The following TASOR2 variants were observed in gnomAD, a reference collection of about 807,000 sequenced individuals.
TASOR2 encodes the protein transcription activation suppressor family member 2.
A neutral mutation model predicts 199.5 loss-of-function variants in TASOR2; 84 were observed. The ratio of observed to expected loss-of-function variants is 0.42; its 90% CI spans 0.35 to 0.50. The LOEUF is 0.50. Among genes scored for constraint, TASOR2 ranks in the 20% least tolerant of loss-of-function variants. The pLI, the probability that TASOR2 is intolerant of heterozygous loss-of-function variation, is 0.02. For synonymous variants in TASOR2, 1,103 were observed against 1,046.6 expected, an observed-to-expected ratio of 1.05 and a Z score of -1.04; for missense variants, 2,796 against 2,835.9, an observed-to-expected ratio of 0.99 and a Z score of 0.32.
chr10:5,721,490 AGTTT>A (rs1588716985), intron 6 of TASOR2, among the ~76,000 whole-genome samples: 1 of 152,266 alleles, frequency 6.6e-6, no homozygotes, highest in Non-Finnish European at 1.5e-5. Context: ...AAATAGTCAT[AGTTT>A]AATTGAATTA....
At chr10:5,707,654 T>TC (rs140087644) in intron 1 of TASOR2, among the ~76,000 whole-genome samples, 2 of 135,728 alleles carry the variant, frequency 1.5e-5, no homozygotes, top group East Asian at 2.2e-4. Flanking sequence ...CTCATTCTCT[T>TC]TCTCTCTCTC....
intron 10 of TASOR2, among the ~76,000 whole-genome samples, chr10:5,729,283 G>A (rs1165471897): frequency 6.6e-6 from 1 of 152,176 alleles, no homozygotes; most frequent in Admixed American, 6.5e-5. Context: ...AGGAGGCGGA[G>A]GTTGCAGTGA....
At chr10:5,729,450 C>T (rs895307344) in intron 10 of TASOR2, among the ~76,000 whole-genome samples, 4 of 152,202 alleles carry the variant, frequency 2.6e-5, no homozygotes, top group African/African-American at 9.7e-5. Flanking sequence ...CCTGTAATCC[C>T]AGCACTCCAG....
At chr10:5,757,827 T>G (rs1307615534) in intron 17 of TASOR2, among the ~76,000 whole-genome samples, 154 bp downstream of exon 18, 1 of 152,170 alleles carries the variant, frequency 6.6e-6, no homozygotes, top group Non-Finnish European at 1.5e-5. Flanking sequence ...CTGTGCTCTT[T>G]TCATACAGTG....
At position 5,741,507 on chromosome 10, in the gene TASOR2, T is replaced by C. The variant is rs949506910; in HGVS notation, c.2328-590T>C. ...CCAACTCTGCAGCCCCCCTGACTTA[T>C]GGTACTCCAGCGATCTGCCATCCTT... On this transcript the variant is annotated intron_variant, in intron 13 of 20. Transcript: ENST00000328090. Among the ~76,000 whole-genome samples the C allele has an allele frequency of 2.6e-5, 4 of 152,216 alleles. No individual in the cohort carries two copies. The South Asian group carries it at 6.2e-4, about 24-fold the overall frequency.
At chr10:5,757,386 C>T in intron 16 of TASOR2, 134 bp from the exon 18 acceptor site, 1 of 852,650 alleles carries the variant, frequency 1.2e-6, no homozygotes, top group South Asian at 1.9e-5. Flanking sequence ...GCAGAATGAC[C>T]AGTCGGTAAT....
chr10:5,736,442 C>T (rs1476360275), intron 12 of TASOR2, among the ~76,000 whole-genome samples: 4 of 150,400 alleles, frequency 2.7e-5, no homozygotes, highest in South Asian at 2.1e-4. Context: ...GAGAGAGAGA[C>T]GGGGTTTCAC....
At chr10:5,733,429 A>G (rs1835127864) in intron 11 of TASOR2, among the ~76,000 whole-genome samples, 1 of 152,100 alleles carries the variant, frequency 6.6e-6, no homozygotes. Flanking sequence ...AATCTCTTGA[A>G]CCTGGGAGGG....
chr10:5,727,027 T>C, intron 9 of TASOR2, 34 bp from the exon 11 acceptor site: 1 of 1,613,786 alleles, frequency 6.2e-7, no homozygotes, highest in Non-Finnish European at 8.5e-7. Flanking sequence ...ATCAACAACC[T>C]AACTTTTCTT....
rs1018912149 is a variant in TASOR2 at position 5,706,661 on chromosome 10, A to G, written c.-287-6162A>G. On this transcript the variant is annotated intron_variant, in intron 1 of 20. Coordinates refer to ENST00000328090, the Ensembl canonical transcript of TASOR2. This position sits in a 1 kb window ranked among gnomAD's most constrained non-coding sequence, Gnocchi z 4.8. The stretch of plus-strand genomic sequence containing the variant: ...AAGCAAAACACGGTATAAGGAAAGA[A>G]CTTGACTACACAGTATGGCTCAGCA... 6.6e-6 allele frequency among the ~76,000 whole-genome samples: 1 copy of G among 152,226 alleles called. No homozygotes were observed.
At position 5,714,233 on chromosome 10, in the gene TASOR2, T is replaced by C. The variant is rs1006462367; in HGVS notation, c.-192+1315T>C. On this transcript the variant is annotated intron_variant, in intron 2 of 20. Coordinates refer to ENST00000328090, the Ensembl canonical transcript of TASOR2. The stretch of plus-strand genomic sequence containing the variant: ...GTAAGTCCGTAAAGCAAAAAGAATC[T>C]TAAAAAAAAATCTTCTTTTACAAGA... 3.0e-4 allele frequency: 368 copies of C among 1,221,442 alleles called. 3 individuals are homozygous for C. The highest frequency in any genetic ancestry group is 8.4e-5 in the Admixed American group (2 of 23,684). The allele number at this position is 1,221,442 out of a possible 1,614,324, so 75.7% of individuals were successfully genotyped here.
chr10:5,724,186 T>TATA (rs1833733128), intron 7 of TASOR2, among the ~76,000 whole-genome samples: 1 of 40,716 alleles, frequency 2.5e-5, no homozygotes, highest in Admixed American at 2.7e-4. Context: ...TGTTTATTCA[T>TATA]GTAGTATTTG....
chr10:5,735,196 T>C (rs2131602508), intron 11 of TASOR2, 108 bp from the exon 13 acceptor site: 1 of 1,360,178 alleles, frequency 7.4e-7, no homozygotes, highest in Non-Finnish European at 1.0e-6. Flanking sequence ...TCCCCATTAC[T>C]AAAGTTACTG....
Position 5,746,870 on chromosome 10 carries a change from C to G in TASOR2, c.3449C>G (p.Ser1150Cys), listed in dbSNP as rs79826323. ...CAGAAGGAGACGCCCCTTCCAGTCTCTCTACCATCTGATAAAACAATGGTC... is the reference window on the plus strand; with the variant it reads ...CAGAAGGAGACGCCCCTTCCAGTCTGTCTACCATCTGATAAAACAATGGTC... Residue 1150 changes from serine to cysteine, a missense_variant, in exon 15 of 21, where the codon TCT (serine) becomes TGT (cysteine). Coordinates refer to ENST00000328090, the Ensembl canonical transcript of TASOR2. 9.4e-4 allele frequency: 1,510 copies of G among 1,614,220 alleles called. 29 individuals carry two copies. The East Asian group carries it at 0.024, about 25-fold the overall frequency.
rs9424221 is a variant in TASOR2, at chr10:5,689,377, G to T, written c.-288+4202G>T. Among the ~76,000 whole-genome samples the T allele has an allele frequency of 6.6e-6, 1 of 151,986 alleles. No homozygotes were observed. The highest frequency in any genetic ancestry group is 1.5e-5 in the Non-Finnish European group (1 of 67,992). On this transcript the variant is annotated intron_variant, in intron 1 of 20. Transcript: ENST00000328090. This position sits in a 1 kb window ranked among gnomAD's most constrained non-coding sequence, Gnocchi z 4.1. ...AGCACTTTGGGTGGCCGAGGTGGGC[G>T]GATCAAGAGGTCAGGAGTTCAAGAC...
At chr10:5,747,345 G>A in exon 15 of TASOR2, 1 of 1,614,048 alleles carries the variant, frequency 6.2e-7, no homozygotes, top group East Asian at 2.2e-5. Flanking sequence ...AATTTGAGGA[G>A]GCCCCATTCT....
rs1040978084 is a variant in TASOR2 at position 5,689,152 on chromosome 10, T to A, written c.-288+3977T>A. Among the ~76,000 whole-genome samples, 8 of 152,270 alleles carry A rather than the reference T, an allele frequency of 5.3e-5. No individual in the cohort carries two copies. Among genetic ancestry groups the A allele is most frequent in the African/African-American group, 1.9e-4 (8 of 41,480 alleles). The stretch of plus-strand genomic sequence containing the variant: ...ACAAAAGTTGGCAATTGTTTTCTTT[T>A]AACATGCTGAAGCTCTTATTCCTCT... On this transcript the variant is annotated intron_variant, in intron 1 of 20. Transcript: ENST00000328090. This position sits in a 1 kb window ranked among gnomAD's most constrained non-coding sequence, Gnocchi z 4.1.
intron 1 of TASOR2, among the ~76,000 whole-genome samples, chr10:5,686,097 G>T (rs1417009519): frequency 1.3e-5 from 2 of 152,144 alleles, no homozygotes. Flanking sequence ...CTGCCTTATA[G>T]GAATGGGTGA....
intron 19 of TASOR2, among the ~76,000 whole-genome samples, chr10:5,762,250 CTT>C (rs1491341589): frequency 4.2e-5 from 2 of 47,994 alleles, no homozygotes; most frequent in Admixed American, 2.8e-4. Context: ...CCCTATCTAT[CTT>C]TAAAAAAAAA....
Sources: gnomAD v4.1 joint callset for allele counts (sites outside exome capture counted in the v4.1 genomes callset) on GRCh38, gnomAD v4.1.1 for gene constraint, Gnocchi (gnomAD v3.1) non-coding constraint, MANE v1.5 for transcripts, NCBI Gene and HGNC (gene_info 2026-07-23, HGNC 2026-07-21) for gene names.